WNK3: variants seen among roughly 807,000 people sequenced by gnomAD.
The protein encoded by WNK3 is serine/threonine-protein kinase WNK3.
A neutral mutation model predicts 116.7 loss-of-function variants in WNK3; 18 were observed. That is an observed-to-expected ratio of 0.15 (90% CI 0.11 to 0.23). The LOEUF (loss-of-function observed/expected upper bound fraction) is 0.23, where lower values mean the gene tolerates loss of function less well. Among genes scored for constraint, WNK3 ranks in the 10% least tolerant of loss-of-function variants. The pLI is 1.00. For missense variants in WNK3, 993 were observed against 1,323.8 expected (o/e 0.75, Z 3.88); for synonymous variants, 404 against 469.4 (o/e 0.86, Z 1.80).
chrX:54,349,365 A>C (rs1297695119), intron 1 of WNK3, among the ~76,000 whole-genome samples: 1 of 111,681 alleles, frequency 9.0e-6, no homozygotes, highest in Non-Finnish European at 1.9e-5. Context: ...CAAACAAACA[A>C]AAACAATTAT....
chrX:54,315,186 C>G (rs1251537600), intron 2 of WNK3, among the ~76,000 whole-genome samples: 4 of 108,599 alleles, frequency 3.7e-5, no homozygotes, highest in Non-Finnish European at 7.6e-5. Context: ...AGCTGTAGTC[C>G]TAGCTACTTG....
chrX:54,252,211 G>A (rs1246150972), intron 13 of WNK3, among the ~76,000 whole-genome samples: 1 of 111,141 alleles, frequency 9.0e-6, no homozygotes, highest in East Asian at 2.8e-4. Flanking sequence ...TGAGACTACT[G>A]ACATTTCTCA....
At chrX:54,302,360 T>C (rs1157142499) in intron 5 of WNK3, among the ~76,000 whole-genome samples, 1 of 111,287 alleles carries the variant, frequency 9.0e-6, no homozygotes, top group Non-Finnish European at 1.9e-5. Flanking sequence ...TGCAGTGGCG[T>C]GATTTTGGCT....
chrX:54,260,829 T>C (rs1557156533), intron 10 of WNK3, among the ~76,000 whole-genome samples: 1 of 109,809 alleles, frequency 9.1e-6, no homozygotes, highest in East Asian at 2.9e-4. Flanking sequence ...TTCAAGTGAT[T>C]CTCCTGTCTG....
intron 2 of WNK3, among the ~76,000 whole-genome samples, chrX:54,325,741 T>C (rs1025965457): frequency 4.6e-5 from 4 of 87,887 alleles, no homozygotes; most frequent in Non-Finnish European, 6.8e-5. Context: ...AAACAAATGA[T>C]AAATGTACTG....
exon 9 of WNK3, chrX:54,293,146 C>T: frequency 5.0e-6 from 6 of 1,205,279 alleles, no homozygotes; most frequent in Non-Finnish European, 6.7e-6. Context: ...CTGAAACTTG[C>T]TGGTAATGTC....
intron 1 of WNK3, among the ~76,000 whole-genome samples, chrX:54,345,812 G>A (rs2069416261): frequency 1.9e-5 from 2 of 106,233 alleles, no homozygotes; most frequent in African/African-American, 3.4e-5. Context: ...AGAAAACAAC[G>A]AAGGGTGAGC....
intron 2 of WNK3, 85 bp downstream of exon 2, chrX:54,333,052 T>C: frequency 4.4e-6 from 3 of 677,323 alleles, no homozygotes; most frequent in Non-Finnish European, 6.7e-6. Flanking sequence ...TTTTAATCCA[T>C]GATACATGGA....
At chrX:54,256,493 T>G (rs2068194326) in intron 11 of WNK3, among the ~76,000 whole-genome samples, 1 of 112,130 alleles carries the variant, frequency 8.9e-6, no homozygotes, top group African/African-American at 3.2e-5. Context: ...AATATTATTA[T>G]GAAAGGGGAG....
At chrX:54,354,402 G>C (rs1557179022) in intron 1 of WNK3, among the ~76,000 whole-genome samples, 1 of 111,853 alleles carries the variant, frequency 8.9e-6, no homozygotes, top group Non-Finnish European at 1.9e-5. Context: ...TCTGTAAATA[G>C]AGCTGGTCTA....
At chrX:54,304,992 T>C (rs868932309) in intron 5 of WNK3, among the ~76,000 whole-genome samples, 2 of 108,257 alleles carry the variant, frequency 1.8e-5, no homozygotes, top group South Asian at 4.0e-4. Context: ...TATATATATA[T>C]ATACAAAAAC....
intron 21 of WNK3, 75 bp from the exon 22 acceptor site, chrX:54,228,818 C>T: frequency 2.3e-6 from 1 of 436,422 alleles, no homozygotes; most frequent in African/African-American, 2.5e-5. Context: ...TGTAAACCAA[C>T]ATACTTATTG....
At chrX:54,248,420 G>C (rs1432545769) in intron 17 of WNK3, among the ~76,000 whole-genome samples, 1 of 110,789 alleles carries the variant, frequency 9.0e-6, no homozygotes, top group Non-Finnish European at 1.9e-5. Flanking sequence ...AACAATCCAT[G>C]AGTCAGTTTT....
chrX:54,226,094 C>A (rs2067833013), intron 22 of WNK3, among the ~76,000 whole-genome samples: 1 of 11,990 alleles, frequency 8.3e-5, no homozygotes, highest in Non-Finnish European at 6.1e-4. Flanking sequence ...ATCCACATAC[C>A]CAAAAAAAAA....
At chrX:54,222,915 A>AATAATATATATATATATAT (rs1491230973) in intron 22 of WNK3, among the ~76,000 whole-genome samples, 4 of 81,018 alleles carry the variant, frequency 4.9e-5, no homozygotes, top group African/African-American at 2.3e-4. Context: ...TAATAATAAT[A>AATAATATATATATATATAT]ATATATATAT....
intron 10 of WNK3, among the ~76,000 whole-genome samples, chrX:54,263,915 G>A (rs1014346268): frequency 9.2e-5 from 10 of 109,065 alleles, no homozygotes; most frequent in African/African-American, 3.3e-4. Flanking sequence ...TTGAGACAGG[G>A]TCTCACTCTG....
At chrX:54,329,553 G>A (rs1012514910) in intron 2 of WNK3, among the ~76,000 whole-genome samples, 2 of 109,178 alleles carry the variant, frequency 1.8e-5, no homozygotes, top group South Asian at 4.1e-4. Context: ...CAAGAGAATC[G>A]CTTGAACCCA....
At chrX:54,294,699 T>C (rs1257895581) in exon 8 of WNK3, 1 of 1,208,537 alleles carries the variant, frequency 8.3e-7, no homozygotes, top group Non-Finnish European at 1.1e-6. Context: ...AGGGAATACA[T>C]TCCCCATAGA....
intron 22 of WNK3, among the ~76,000 whole-genome samples, chrX:54,224,367 A>AC (rs1287270080): frequency 1.8e-5 from 2 of 108,620 alleles, no homozygotes; most frequent in Non-Finnish European, 3.8e-5. Flanking sequence ...AAAAAAAAAA[A>AC]CACCTTCCCA....
Sources: allele counts gnomAD v4.1 joint callset (sites outside exome capture counted in the v4.1 genomes callset), GRCh38; gene constraint gnomAD v4.1.1; transcripts MANE v1.5; gene names NCBI Gene and HGNC (gene_info 2026-07-23, HGNC 2026-07-21).